Variants in CHD1 observed in about 807,000 individuals in gnomAD.
CHD1 encodes the protein ATP-dependent chromatin remodeler CHD1.
In CHD1, 36 loss-of-function variants were observed where a neutral mutation model predicts 224.2. That is an observed-to-expected ratio of 0.16 (90% CI 0.12 to 0.21). The LOEUF (loss-of-function observed/expected upper bound fraction) is 0.21, where lower values mean the gene tolerates loss of function less well. Ranked by LOEUF, CHD1 falls within the 10% of genes least tolerant of loss-of-function variation. CHD1 has a pLI of 1.00. For missense variants in CHD1, 1,378 were observed against 1,994.8 expected, an observed-to-expected ratio of 0.69 and a Z score of 5.89; for synonymous variants, 668 against 658.3, an observed-to-expected ratio of 1.01 and a Z score of -0.23.
chr5:98,903,810 A>G lies in CHD1; in HGVS notation c.354T>C (p.Ser118=). The change falls in exon 4 of 36, where the codon TCT becomes TCC. Residue 118 remains serine (S), a synonymous_variant. Transcript: ENST00000614616. ...QQQQQQHQAS[S]NSGSEEDSSS... is the part of the protein sequence containing the mutation. ...AATGCACCTCTTCTGATCCGCTATT[A>G]GATGAGGCTTGATGTTGTTGTTGCT... The G allele has an allele frequency of 6.2e-7, 1 of 1,613,088 alleles. No homozygotes were observed. The highest frequency in any genetic ancestry group is 8.5e-7 in the Non-Finnish European group (1 of 1,179,122).
Position 98,868,545 on chromosome 5 carries a change from C to G in CHD1, c.4198G>C (p.Val1400Leu), listed in dbSNP as rs1016569341. 6.2e-7 allele frequency: 1 copy of G among 1,612,490 alleles called. No individual in the cohort carries two copies. The highest frequency in any genetic ancestry group is 8.5e-7 in the Non-Finnish European group (1 of 1,179,652). ...PVHITASGEP[V>L]PISEESEELD... ...TCTTCAGATTCTTCAGAAATGGGAA[C>G]TGGTTCACCACTTGCCGTGATATGA... The change falls in exon 31 of 36, where the codon GTT becomes CTT. Residue 1400 changes from valine (V) to leucine (L), a missense_variant. Val to Leu is a conservative substitution (Grantham distance 32). Coordinates refer to ENST00000614616, the MANE Select transcript of CHD1 (RefSeq NM_001270.4).
chr5:98,903,907 A>T lies in CHD1; in HGVS notation c.257T>A (p.Phe86Tyr). The T allele has an allele frequency of 1.3e-6, 2 of 1,571,404 alleles. No homozygotes were observed. Among genetic ancestry groups the T allele is most frequent in the Non-Finnish European group, 1.7e-6 (2 of 1,150,204 alleles). ...CAGAATACTAGGACTAGATTTCCAA[A>T]ACTATAATAGAAATATAAACCAGTG... ...AKPPKVDGAE[F>Y]WKSSPSILAV... The change falls in exon 4 of 36, where the codon TTT becomes TAT. Residue 86 changes from phenylalanine (F) to tyrosine (Y), a missense_variant and splice_region_variant. Around this residue, in one of 16 missense-constraint regions of CHD1, gnomAD observed 306 missense variants for 298.1 expected, o/e 1.03. Transcript: ENST00000614616.
intron 2 of CHD1, among the ~76,000 whole-genome samples, chr5:98,909,146 T>C (rs1752230189): frequency 6.6e-6 from 1 of 152,174 alleles, no homozygotes; most frequent in Admixed American, 6.5e-5. Flanking sequence ...ATATTTAATA[T>C]TATTAAACAT....
chr5:98,903,056 T>G (rs960316656), intron 4 of CHD1, 92 bp from the exon 5 acceptor site: 2 of 661,518 alleles, frequency 3.0e-6, no homozygotes, highest in Non-Finnish European at 5.0e-6. Context: ...AACATTCACT[T>G]TACAAATAAC....
At chr5:98,881,846 CAA>C (rs1030670020) in intron 20 of CHD1, 127 bp downstream of exon 20, 19 of 781,480 alleles carry the variant, frequency 2.4e-5, no homozygotes, top group Non-Finnish European at 3.5e-5. Flanking sequence ...GAAATTAGTC[CAA>C]AGTCTTCCAA....
At chr5:98,871,369 C>CAAAAAAAAAAAAAAAAA (rs61406690) in intron 28 of CHD1, among the ~76,000 whole-genome samples, 1 of 46,796 alleles carries the variant, frequency 2.1e-5, no homozygotes, top group African/African-American at 1.1e-4. Context: ...CCATTTTAGG[C>CAAAAAAAAAAAAAAAAA]AAAAAAAAAA....
Position 98,928,732 on chromosome 5 carries a change from C to T in CHD1, c.-342G>A, listed in dbSNP as rs2112701256. On this transcript the variant is annotated 5_prime_UTR_variant, in exon 1 of 36. Transcript: ENST00000614616. ...GTCCGCAGCACCAACGCGCGATCCCCTGCGGAGTGGAGCTAACAATTCATT... is the reference window on the plus strand; with the variant it reads ...GTCCGCAGCACCAACGCGCGATCCCTTGCGGAGTGGAGCTAACAATTCATT... The T allele has an allele frequency of 6.5e-6, 1 of 154,158 alleles. No homozygotes were observed. The highest frequency in any genetic ancestry group is 1.7e-4 in the South Asian group (1 of 5,768). The allele number at this position is 154,158 out of a possible 1,614,324, so 9.5% of individuals were successfully genotyped here. A position where few individuals can be genotyped will look rare whatever the true frequency, so the allele number is the denominator to read the frequency against.
Position 98,854,524 on chromosome 5 carries a change from C to G in CHD1, c.*1856G>C, listed in dbSNP as rs1200856575. 1 of 152,044 alleles carries G rather than the reference C, an allele frequency of 6.6e-6. No individual in the cohort carries two copies. Among genetic ancestry groups the G allele is most frequent in the Non-Finnish European group, 1.5e-5 (1 of 67,958 alleles). The allele number at this position is 152,044 out of a possible 1,614,324, so 9.4% of individuals were successfully genotyped here. On this transcript the variant is annotated 3_prime_UTR_variant, in exon 36 of 36. Transcript: ENST00000614616. Reference sequence around the variant, plus strand: ...ATGTGTGCCAGGACTACCTTCATTACTTTTATATTTAATTATAAATTAGAT... The same window carrying G: ...ATGTGTGCCAGGACTACCTTCATTAGTTTTATATTTAATTATAAATTAGAT...
At chr5:98,879,473 T>A in intron 23 of CHD1, 79 bp downstream of exon 23, 2 of 1,290,988 alleles carry the variant, frequency 1.5e-6, no homozygotes, top group Non-Finnish European at 1.1e-6. Flanking sequence ...TATGGACTGA[T>A]ACCTCGTAGA....
At chr5:98,898,576 G>T in intron 9 of CHD1, 88 bp downstream of exon 9, 1 of 1,206,996 alleles carries the variant, frequency 8.3e-7, no homozygotes, top group Non-Finnish European at 1.2e-6. Context: ...AAGCTACTGT[G>T]TTTGATATGT....
intron 8 of CHD1, 75 bp from the exon 9 acceptor site, chr5:98,898,839 T>C: frequency 2.5e-6 from 2 of 788,828 alleles, no homozygotes; most frequent in East Asian, 5.0e-5. Context: ...TCCCCAACAC[T>C]ATTTGTAGCA....
At chr5:98,922,786 C>T (rs1235541102) in intron 2 of CHD1, among the ~76,000 whole-genome samples, 4 of 152,048 alleles carry the variant, frequency 2.6e-5, no homozygotes, top group African/African-American at 7.2e-5. Context: ...GTCAGGAGTT[C>T]GAGACCAGCC....
At chr5:98,917,299 C>CAAAAAA (rs70984334) in intron 2 of CHD1, among the ~76,000 whole-genome samples, 3 of 119,848 alleles carry the variant, frequency 2.5e-5, no homozygotes, top group African/African-American at 7.9e-5. Context: ...AACAAAGAAA[C>CAAAAAA]AAAAAAAAAA....
intron 2 of CHD1, among the ~76,000 whole-genome samples, chr5:98,917,719 T>A (rs1580523736): frequency 6.6e-6 from 1 of 152,234 alleles, no homozygotes; most frequent in African/African-American, 2.4e-5. Context: ...AATAGAACTT[T>A]GCACATCTCC....
chr5:98,893,678 A>G (rs563222686), intron 13 of CHD1, 72 bp from the exon 14 acceptor site: 3 of 895,284 alleles, frequency 3.4e-6, no homozygotes, highest in South Asian at 3.4e-5. Flanking sequence ...TTTAATCTGA[A>G]CTCAATTATT....
Position 98,914,346 on chromosome 5 carries a change from T to C in CHD1, c.54-9248A>G, listed in dbSNP as rs553141089. Among the ~76,000 whole-genome samples, 4 of 152,348 alleles carry C rather than the reference T, an allele frequency of 2.6e-5. No individual in the cohort carries two copies. The East Asian group carries it at 5.8e-4, about 22-fold the overall frequency. On this transcript the variant is annotated intron_variant, in intron 2 of 35. Coordinates refer to ENST00000614616, the MANE Select transcript of CHD1 (RefSeq NM_001270.4). ...AGTTATATTTAAGCCCCTGTGTTTT[T>C]AGTTCTCTAATATAGTACCCTGTTT...
chr5:98,865,928 TCCGAAGATTAAA>T (rs777616425), intron 31 of CHD1, among the ~76,000 whole-genome samples: 3 of 140,732 alleles, frequency 2.1e-5, no homozygotes, highest in Non-Finnish European at 4.5e-5. Context: ...CATGAAAAAG[TCCGAAGATTAAA>T]AAAGAAATGT....
chr5:98,905,223 C>CA (rs35910253), intron 2 of CHD1, 125 bp from the exon 3 acceptor site: 117 of 1,102,598 alleles, frequency 1.1e-4, no homozygotes, highest in Middle Eastern at 2.8e-4. Flanking sequence ...TATCTTTGGC[C>CA]AAAAAAAAGA....
At chr5:98,872,709 C>T (rs1451070990) in intron 26 of CHD1, among the ~76,000 whole-genome samples, 154 bp from the exon 27 acceptor site, 2 of 152,164 alleles carry the variant, frequency 1.3e-5, no homozygotes, top group African/African-American at 2.4e-5. Flanking sequence ...AACTTCATTA[C>T]ATATGAACAA....
Sources: allele counts gnomAD v4.1 joint callset (sites outside exome capture counted in the v4.1 genomes callset), GRCh38; gene constraint gnomAD v4.1.1; regional missense constraint gnomAD v4.1.1; transcripts MANE v1.5; gene names NCBI Gene and HGNC (gene_info 2026-07-23, HGNC 2026-07-21).